LIMD1: variants seen among roughly 807,000 people sequenced by gnomAD.
LIMD1 encodes the protein LIM domain-containing protein 1.
Under a neutral mutation model 58.4 loss-of-function variants are expected in LIMD1, and 23 were observed. That is an observed-to-expected ratio of 0.39 (90% CI 0.28 to 0.56). The LOEUF (loss-of-function observed/expected upper bound fraction) is 0.56, where lower values mean the gene tolerates loss of function less well. Ranked by LOEUF, LIMD1 falls within the 20% of genes least tolerant of loss-of-function variation. The pLI is 0.57. For synonymous variants in LIMD1, 334 were observed against 345.5 expected (o/e 0.97, Z 0.37); for missense variants, 838 against 855.5 (o/e 0.98, Z 0.25).
chr3:45,600,479 G>A (rs780548629), intron 1 of LIMD1, among the ~76,000 whole-genome samples: 4 of 151,904 alleles, frequency 2.6e-5, no homozygotes, highest in Admixed American at 6.5e-5. Flanking sequence ...CTACAGAGGC[G>A]TGTCTCTTTC....
At position 45,683,453 on chromosome 3, in the gene LIMD1, T is replaced by C. The variant is rs1041936883; in HGVS notation, c.*6394T>C. 1 of 152,082 alleles carries C rather than the reference T, an allele frequency of 6.6e-6. No homozygotes were observed. Among genetic ancestry groups the C allele is most frequent in the Non-Finnish European group, 1.5e-5 (1 of 68,046 alleles). The allele number at this position is 152,082 out of a possible 1,614,324, so 9.4% of individuals were successfully genotyped here. A position where few individuals can be genotyped will look rare whatever the true frequency, so the allele number is the denominator to read the frequency against. ...AAAAATTGAAAGTATCGCTAATTGATCCCCTCCCACAACCAATCAGACTGG... is the reference window on the plus strand; with the variant it reads ...AAAAATTGAAAGTATCGCTAATTGACCCCCTCCCACAACCAATCAGACTGG... On this transcript the variant is annotated 3_prime_UTR_variant, in exon 8 of 8. Coordinates refer to ENST00000273317, the MANE Select transcript of LIMD1 (RefSeq NM_014240.3).
At chr3:45,632,522 CAT>C (rs1183786066) in intron 1 of LIMD1, 5 of 985,328 alleles carry the variant, frequency 5.1e-6, no homozygotes, top group South Asian at 9.4e-5. Context: ...GGGGAACAGA[CAT>C]GTGTGCCCAA....
chr3:45,629,412 C>CAA (rs57306025), intron 1 of LIMD1, among the ~76,000 whole-genome samples: 1,536 of 97,462 alleles, frequency 0.016, 49 homozygotes, highest in African/African-American at 0.048. Context: ...ACTCTTGTCT[C>CAA]AAAAAAAAAA....
chr3:45,596,088 G>C lies in LIMD1; in HGVS notation c.1209G>C (p.Glu403Asp), dbSNP rs201712965. The C allele has an allele frequency of 5.0e-6, 8 of 1,614,212 alleles. No homozygotes were observed. In the East Asian group the frequency reaches 1.8e-4, roughly 36 times the overall value. ...MSTLPELSCK[E>D]GPLGWSSDGS... Reference sequence around the variant, plus strand: ...CCCTGCCTGAGTTATCTTGTAAAGAGGGTCCCCTGGGCTGGTCTTCTGATG... The same window carrying C: ...CCCTGCCTGAGTTATCTTGTAAAGACGGTCCCCTGGGCTGGTCTTCTGATG... Residue 403 changes from glutamate (E) to aspartate (D), a missense_variant, in exon 1 of 8, where the codon GAG (glutamate) becomes GAC (aspartate). By Grantham distance (45) the Glu-to-Asp change is conservative. Coordinates refer to ENST00000273317, the MANE Select transcript of LIMD1 (RefSeq NM_014240.3).
intron 1 of LIMD1, among the ~76,000 whole-genome samples, chr3:45,619,870 A>G (rs538525732): frequency 8.4e-6 from 1 of 119,538 alleles, no homozygotes; most frequent in South Asian, 2.8e-4. Flanking sequence ...GGCATCCTAT[A>G]TTTTATCTGG....
chr3:45,647,541 C>A (rs58851817), intron 2 of LIMD1, among the ~76,000 whole-genome samples: 4,605 of 152,260 alleles, frequency 0.03, 75 homozygotes, highest in Non-Finnish European at 0.041. Flanking sequence ...TCTCCACATC[C>A]GCAGCAGCCC....
At chr3:45,610,452 T>C (rs1275826395) in intron 1 of LIMD1, among the ~76,000 whole-genome samples, 1 of 152,148 alleles carries the variant, frequency 6.6e-6, no homozygotes, top group Non-Finnish European at 1.5e-5. Flanking sequence ...CAGAAAGGGT[T>C]GGGATACATG....
chr3:45,626,549 A>G (rs556981648), intron 1 of LIMD1, among the ~76,000 whole-genome samples: 5 of 152,370 alleles, frequency 3.3e-5, no homozygotes, highest in Admixed American at 6.5e-5. Context: ...TGGAGAAAAT[A>G]AAAGGATCAA....
At chr3:45,632,114 A>G (rs535746086) in intron 1 of LIMD1, among the ~76,000 whole-genome samples, 2 of 152,308 alleles carry the variant, frequency 1.3e-5, no homozygotes, top group South Asian at 4.1e-4. Context: ...GAGCAGAATT[A>G]TATTCACAAA....
chr3:45,606,724 A>G (rs571343409), intron 1 of LIMD1, among the ~76,000 whole-genome samples: 51 of 152,324 alleles, frequency 3.3e-4, no homozygotes, highest in African/African-American at 1.0e-3. Context: ...GGGCGTGAGC[A>G]AGATGCCTTG....
chr3:45,630,333 G>A (rs1030993006), intron 1 of LIMD1, among the ~76,000 whole-genome samples: 1 of 152,198 alleles, frequency 6.6e-6, no homozygotes. Context: ...TGGTGGCAGG[G>A]TCTGGTTTCT....
At chr3:45,672,600 C>T (rs906525024) in intron 4 of LIMD1, 90 bp from the exon 5 acceptor site, 3 of 1,424,732 alleles carry the variant, frequency 2.1e-6, no homozygotes, top group South Asian at 1.2e-5. Flanking sequence ...TGTGACTGCT[C>T]ATGTAATCCT....
In LIMD1 at chr3:45,677,111, C is replaced by G. The variant is rs781465700; in HGVS notation, c.*52C>G. The G allele has an allele frequency of 6.3e-7, 1 of 1,590,690 alleles. No homozygotes were observed. The highest frequency in any genetic ancestry group is 8.6e-7 in the Non-Finnish European group (1 of 1,167,504). On this transcript the variant is annotated 3_prime_UTR_variant, in exon 8 of 8. Coordinates refer to ENST00000273317, the MANE Select transcript of LIMD1 (RefSeq NM_014240.3). ...AGGGGATGAGGAGCCGGGGTTGCTG[C>G]TGCTGCTTCCGGTGGCCCCTGGGGT...
intron 1 of LIMD1, among the ~76,000 whole-genome samples, chr3:45,604,763 C>T (rs145080700): frequency 1.1e-4 from 16 of 152,244 alleles, no homozygotes; most frequent in African/African-American, 2.6e-4. Context: ...AGCCCTGGCG[C>T]GTCCCGACAT....
chr3:45,673,968 A>T (rs1697632028), intron 6 of LIMD1: 1 of 256,668 alleles, frequency 3.9e-6, no homozygotes, highest in African/African-American at 2.2e-5. Flanking sequence ...TGGCTTCCCC[A>T]ACCCAGTACC....
chr3:45,596,827 C>G (rs897132475), intron 1 of LIMD1, among the ~76,000 whole-genome samples: 3 of 149,886 alleles, frequency 2.0e-5, no homozygotes, highest in Non-Finnish European at 4.4e-5. Flanking sequence ...TGAGGCAGGT[C>G]AAACACTACC....
At position 45,682,862 on chromosome 3, in the gene LIMD1, T is replaced by TAGG. The variant is rs1362070549; in HGVS notation, c.*5803_*5804insAGG. ...CTGTATTGGTTTCCTATGGCCACTC[T>TAGG]TAACAAATTACCACAACCTCAGTGG... On this transcript the variant is annotated 3_prime_UTR_variant, in exon 8 of 8. Coordinates refer to ENST00000273317, the MANE Select transcript of LIMD1 (RefSeq NM_014240.3). 2.2e-3 allele frequency: 339 copies of TAGG among 152,408 alleles called. No individual in the cohort carries two copies. The highest frequency in any genetic ancestry group is 7.8e-3 in the African/African-American group (323 of 41,590). 9.4% of individuals were successfully genotyped at this position (152,408 alleles called of 1,614,324 possible).
intron 1 of LIMD1, among the ~76,000 whole-genome samples, chr3:45,598,438 G>GC (rs1444200278): frequency 2.0e-5 from 3 of 152,210 alleles, no homozygotes; most frequent in Non-Finnish European, 4.4e-5. Context: ...ATCTTGAGAT[G>GC]CAAGTTTATG....
chr3:45,673,419 A>T, intron 5 of LIMD1, 35 bp from the exon 6 acceptor site: 1 of 1,601,828 alleles, frequency 6.2e-7, no homozygotes, highest in East Asian at 2.2e-5. Context: ...TGCTCCCAGA[A>T]GCAACATTTA....
Sources: allele counts gnomAD v4.1 joint callset (sites outside exome capture counted in the v4.1 genomes callset), GRCh38; gene constraint gnomAD v4.1.1; transcripts MANE v1.5; gene names NCBI Gene and HGNC (gene_info 2026-07-23, HGNC 2026-07-21).